Variants in RCAN1 observed in about 807,000 individuals in gnomAD.
RCAN1 encodes calcipressin-1.
Under a neutral mutation model 22.9 loss-of-function variants are expected in RCAN1, and 11 were observed. The observed-to-expected ratio is 0.48, with a 90% CI of 0.30 to 0.79. RCAN1 has a LOEUF of 0.79. Among genes scored for constraint, RCAN1 ranks in the 30% least tolerant of loss-of-function variants. The probability of loss-of-function intolerance (pLI) is 0.06; values close to 1 mark genes in which losing one functional copy is unlikely to be tolerated. For synonymous variants in RCAN1, 136 were observed against 142.3 expected (o/e 0.96, Z 0.32); for missense variants, 291 against 337.8 (o/e 0.86, Z 1.09).
chr21:34,523,311 A>T (rs1246376363), intron 2 of RCAN1, among the ~76,000 whole-genome samples: 3 of 152,234 alleles, frequency 2.0e-5, no homozygotes, highest in Non-Finnish European at 4.4e-5. Flanking sequence ...CCCCATCATT[A>T]TCAACCCAGG....
chr21:34,585,742 C>CAA (rs59014706), intron 1 of RCAN1, among the ~76,000 whole-genome samples: 941 of 45,150 alleles, frequency 0.021, 34 homozygotes, highest in East Asian at 0.03. Context: ...GACTCCATCT[C>CAA]AAAAAAAAAA....
intron 1 of RCAN1, among the ~76,000 whole-genome samples, chr21:34,540,499 G>C (rs975050881): frequency 9.9e-5 from 15 of 152,140 alleles, no homozygotes; most frequent in African/African-American, 3.1e-4. Context: ...CCTTGGCTGG[G>C]TAAAATTACC....
chr21:34,565,156 G>A (rs1289069241), intron 1 of RCAN1, among the ~76,000 whole-genome samples: 1 of 152,226 alleles, frequency 6.6e-6, no homozygotes. Flanking sequence ...CCGTGATGGT[G>A]TCACTGCAAT....
At chr21:34,578,862 A>T (rs774900249) in intron 1 of RCAN1, among the ~76,000 whole-genome samples, 2 of 152,146 alleles carry the variant, frequency 1.3e-5, no homozygotes, top group Non-Finnish European at 1.5e-5. Flanking sequence ...CATGCCTGGG[A>T]AGAGCGTAGC....
chr21:34,540,175 G>A (rs1985850636), intron 1 of RCAN1, among the ~76,000 whole-genome samples: 2 of 152,168 alleles, frequency 1.3e-5, no homozygotes. Context: ...CATTAATGAT[G>A]ACAGTTGTTT....
intron 1 of RCAN1, among the ~76,000 whole-genome samples, chr21:34,542,412 G>A (rs766838069): frequency 7.2e-4 from 32 of 44,394 alleles, no homozygotes; most frequent in Admixed American, 3.4e-3. Flanking sequence ...CTTTCAGGAA[G>A]CCCAAGCAGC....
At chr21:34,544,137 A>C (rs1360681353) in intron 1 of RCAN1, among the ~76,000 whole-genome samples, 1 of 152,222 alleles carries the variant, frequency 6.6e-6, no homozygotes, top group African/African-American at 2.4e-5. Context: ...TGCCCTACCT[A>C]TTGTGGTAGG....
chr21:34,551,818 T>C (rs1986379373), intron 1 of RCAN1, among the ~76,000 whole-genome samples: 2 of 152,058 alleles, frequency 1.3e-5, no homozygotes. Flanking sequence ...AATGAAGACT[T>C]AGGAATAGCG....
At chr21:34,572,745 C>T (rs1987275472) in intron 1 of RCAN1, among the ~76,000 whole-genome samples, 1 of 152,130 alleles carries the variant, frequency 6.6e-6, no homozygotes, top group South Asian at 2.1e-4. Flanking sequence ...TGAATGGACT[C>T]ACGGTTCCAC....
At chr21:34,545,623 G>A (rs940824347) in intron 1 of RCAN1, among the ~76,000 whole-genome samples, 20 of 152,178 alleles carry the variant, frequency 1.3e-4, no homozygotes, top group African/African-American at 4.8e-4. Context: ...TTTCTCAGCA[G>A]TTACACTAAC....
rs2123560333 is a variant in RCAN1 at position 34,518,983 on chromosome 21, T to C, written c.587-727A>G. 6.6e-6 allele frequency among the ~76,000 whole-genome samples: 1 copy of C among 152,344 alleles called. No homozygotes were observed. The highest frequency in any genetic ancestry group is 1.9e-4 in the East Asian group (1 of 5,190). ...GGGGCCTCCCGCTGGGGTGCCGCTCTGGCCACGGGAAGAGTGTGCATCTCT... is the reference window on the plus strand; with the variant it reads ...GGGGCCTCCCGCTGGGGTGCCGCTCCGGCCACGGGAAGAGTGTGCATCTCT... On this transcript the variant is annotated intron_variant, in intron 3 of 3. Coordinates refer to ENST00000313806, the MANE Select transcript of RCAN1 (RefSeq NM_004414.7). The surrounding 1 kb of genome is among the most constrained non-coding windows in gnomAD (Gnocchi z 4.2).
At chr21:34,533,610 A>T (rs1985530118) in intron 1 of RCAN1, among the ~76,000 whole-genome samples, 1 of 152,214 alleles carries the variant, frequency 6.6e-6, no homozygotes, top group Non-Finnish European at 1.5e-5. Flanking sequence ...CAAAACAGAC[A>T]AAACTCCCCG....
At chr21:34,550,776 T>C (rs1319338488) in intron 1 of RCAN1, among the ~76,000 whole-genome samples, 1 of 152,218 alleles carries the variant, frequency 6.6e-6, no homozygotes. Flanking sequence ...TATAGGTCTC[T>C]ACAGTTGGCT....
At chr21:34,540,424 A>G (rs548566323) in intron 1 of RCAN1, among the ~76,000 whole-genome samples, 2 of 152,262 alleles carry the variant, frequency 1.3e-5, no homozygotes, top group Admixed American at 6.5e-5. Context: ...CTTCCAAGAA[A>G]TCACTCATGT....
At chr21:34,584,832 G>A (rs1049176786) in intron 1 of RCAN1, among the ~76,000 whole-genome samples, 22 of 152,128 alleles carry the variant, frequency 1.4e-4, no homozygotes, top group African/African-American at 5.3e-4. Context: ...GGATTCATAA[G>A]AGCATCCTGA....
chr21:34,576,410 G>A (rs561904972), intron 1 of RCAN1, among the ~76,000 whole-genome samples: 1 of 152,314 alleles, frequency 6.6e-6, no homozygotes, highest in African/African-American at 2.4e-5. Context: ...CCCAGGACAA[G>A]AGAAAAAGAG....
intron 1 of RCAN1, among the ~76,000 whole-genome samples, chr21:34,546,168 T>C (rs1986127774): frequency 6.6e-6 from 1 of 152,156 alleles, no homozygotes; most frequent in Non-Finnish European, 1.5e-5. Context: ...ATAACAAACA[T>C]TTCAGTGACT....
intron 1 of RCAN1, among the ~76,000 whole-genome samples, chr21:34,528,446 G>A (rs1450613912): frequency 1.3e-5 from 2 of 152,226 alleles, no homozygotes; most frequent in Non-Finnish European, 2.9e-5. Context: ...CCAAAAAAGT[G>A]TAGAATACTG....
intron 1 of RCAN1, among the ~76,000 whole-genome samples, chr21:34,548,139 T>A (rs1986219310): frequency 6.6e-6 from 1 of 152,208 alleles, no homozygotes; most frequent in Non-Finnish European, 1.5e-5. Context: ...CATTTTGTTA[T>A]AGCAGCCCGA....
Sources: allele counts gnomAD v4.1 joint callset (sites outside exome capture counted in the v4.1 genomes callset), GRCh38; gene constraint gnomAD v4.1.1; non-coding constraint Gnocchi (gnomAD v3.1); transcripts MANE v1.5; gene names NCBI Gene and HGNC (gene_info 2026-07-23, HGNC 2026-07-21).